EFHC2: variants seen among roughly 807,000 people sequenced by gnomAD.
The protein encoded by EFHC2 is EF-hand domain containing 2.
In EFHC2, 18 loss-of-function variants were observed where a neutral mutation model predicts 52.7. The ratio of observed to expected loss-of-function variants is 0.34; its 90% CI spans 0.24 to 0.51. The LOEUF (loss-of-function observed/expected upper bound fraction) is 0.51. Among genes scored for constraint, EFHC2 ranks in the 20% least tolerant of loss-of-function variants. The pLI is 0.97. For synonymous variants in EFHC2, 203 were observed against 204.1 expected, an observed-to-expected ratio of 0.99 and a Z score of 0.04; for missense variants, 513 against 562.5, an observed-to-expected ratio of 0.91 and a Z score of 0.89.
chrX:44,236,526 T>A (rs2037321381), intron 8 of EFHC2, among the ~76,000 whole-genome samples: 1 of 112,581 alleles, frequency 8.9e-6, no homozygotes, highest in South Asian at 3.7e-4. Context: ...CACAGTGATT[T>A]AAAAAATAAA....
At chrX:44,281,610 CAGA>C (rs1211397233) in intron 2 of EFHC2, among the ~76,000 whole-genome samples, 1 of 111,573 alleles carries the variant, frequency 9.0e-6, no homozygotes, top group Non-Finnish European at 1.9e-5. Context: ...TGTCAAGCCT[CAGA>C]AGGAGGAATG....
At chrX:44,336,657 C>T (rs1455905248) in intron 1 of EFHC2, among the ~76,000 whole-genome samples, 3 of 111,867 alleles carry the variant, frequency 2.7e-5, no homozygotes, top group African/African-American at 9.7e-5. Context: ...ACTTCTTATA[C>T]ATGTAAGCAA....
rs778609275 is a variant in EFHC2, at chrX:44,251,136, G to A, written c.607-691C>T. Among the ~76,000 whole-genome samples the A allele has an allele frequency of 4.8e-5, 5 of 104,888 alleles. No individual in the cohort carries two copies. In the East Asian group the frequency reaches 1.2e-3, roughly 25 times the overall value. 91.1% of individuals were successfully genotyped at this position (104,888 alleles called of 115,157 possible). On this transcript the variant is annotated intron_variant, in intron 4 of 14. Coordinates refer to ENST00000420999, the MANE Select transcript of EFHC2 (RefSeq NM_025184.4). ...CACCTGTAGTCCCAGCTACTCGGGA[G>A]GCTGAGGCAGGAGAATGGTGTGAAC...
At chrX:44,289,143 ATTCTT>A (rs1338295553) in intron 2 of EFHC2, among the ~76,000 whole-genome samples, 1 of 110,833 alleles carries the variant, frequency 9.0e-6, no homozygotes. Flanking sequence ...TATGATTGTT[ATTCTT>A]TTATCTTTCA....
chrX:44,249,619 A>T (rs1053196771), intron 5 of EFHC2, among the ~76,000 whole-genome samples: 3 of 111,780 alleles, frequency 2.7e-5, no homozygotes, highest in Non-Finnish European at 5.6e-5. Context: ...GGCCATAAAT[A>T]TTTGTAGAAA....
At chrX:44,272,986 G>A (rs1193170326) in intron 2 of EFHC2, 150 bp from the exon 3 acceptor site, 9 of 444,717 alleles carry the variant, frequency 2.0e-5, no homozygotes, top group Non-Finnish European at 3.1e-5. Flanking sequence ...TCAGCCATGC[G>A]AATGGATATA....
chrX:44,307,800 G>A (rs912904065), intron 2 of EFHC2, among the ~76,000 whole-genome samples: 4 of 110,765 alleles, frequency 3.6e-5, no homozygotes, highest in African/African-American at 1.3e-4. Flanking sequence ...CAGGTGTGGT[G>A]GCACATACCT....
intron 14 of EFHC2, among the ~76,000 whole-genome samples, chrX:44,162,204 C>T (rs1200286579): frequency 4.5e-5 from 5 of 111,762 alleles, no homozygotes; most frequent in Admixed American, 9.5e-5. Context: ...AGGCAGATCA[C>T]TTGAGGCCGG....
intron 3 of EFHC2, among the ~76,000 whole-genome samples, chrX:44,264,686 C>T (rs1269134514): frequency 8.9e-6 from 1 of 112,361 alleles, no homozygotes; most frequent in Non-Finnish European, 1.9e-5. Flanking sequence ...TGTACAGTTG[C>T]ACATGAGAGC....
At chrX:44,227,635 TAGG>T (rs2037243160) in intron 11 of EFHC2, among the ~76,000 whole-genome samples, 1 of 111,423 alleles carries the variant, frequency 9.0e-6, no homozygotes, top group Non-Finnish European at 1.9e-5. Flanking sequence ...CACATTCGAA[TAGG>T]AGAAGACACA....
intron 11 of EFHC2, among the ~76,000 whole-genome samples, chrX:44,220,466 T>C (rs2037184889): frequency 8.9e-6 from 1 of 112,084 alleles, no homozygotes; most frequent in Non-Finnish European, 1.9e-5. Context: ...GTGGCTATTC[T>C]GTCAGCCTCA....
At chrX:44,233,576 C>T (rs1351468132) in intron 9 of EFHC2, among the ~76,000 whole-genome samples, 1 of 111,571 alleles carries the variant, frequency 9.0e-6, no homozygotes, top group Admixed American at 9.5e-5. Context: ...TCACTTCATC[C>T]CACTCCTCCT....
chrX:44,201,862 T>G (rs1412034379), intron 11 of EFHC2, among the ~76,000 whole-genome samples: 1 of 111,663 alleles, frequency 9.0e-6, no homozygotes, highest in East Asian at 2.8e-4. Flanking sequence ...TATAGACCTA[T>G]CTCCTTTATG....
chrX:44,297,371 CAT>C (rs1374225990), intron 2 of EFHC2, among the ~76,000 whole-genome samples: 5 of 110,070 alleles, frequency 4.5e-5, no homozygotes, highest in African/African-American at 1.3e-4. Flanking sequence ...TTTGGAGAGA[CAT>C]ATATACCCTG....
intron 14 of EFHC2, among the ~76,000 whole-genome samples, chrX:44,163,314 ACCAC>A (rs1001321591): frequency 8.9e-6 from 1 of 111,788 alleles, no homozygotes; most frequent in Non-Finnish European, 1.9e-5. Flanking sequence ...CAAACAAACC[ACCAC>A]CCACCCACCC....
intron 11 of EFHC2, among the ~76,000 whole-genome samples, chrX:44,201,825 G>A (rs952141015): frequency 2.7e-5 from 3 of 111,894 alleles, no homozygotes; most frequent in South Asian, 3.7e-4. Context: ...ATTTGACATG[G>A]ACAAAGGTGG....
chrX:44,231,306 A>G (rs1234916454), intron 10 of EFHC2, among the ~76,000 whole-genome samples: 1 of 111,612 alleles, frequency 9.0e-6, no homozygotes, highest in Non-Finnish European at 1.9e-5. Context: ...TTCCCACCCA[A>G]TGACACAGCA....
intron 2 of EFHC2, among the ~76,000 whole-genome samples, chrX:44,300,343 G>T (rs1210770252): frequency 9.0e-6 from 1 of 111,409 alleles, no homozygotes; most frequent in Non-Finnish European, 1.9e-5. Context: ...GTAGTCATCT[G>T]TAAGACAAGA....
chrX:44,165,575 T>G (rs2036690696), intron 13 of EFHC2, among the ~76,000 whole-genome samples: 1 of 111,811 alleles, frequency 8.9e-6, no homozygotes, highest in African/African-American at 3.2e-5. Flanking sequence ...CATAATAAAC[T>G]TTTTTTTAGC....
Sources: allele counts gnomAD v4.1 joint callset (sites outside exome capture counted in the v4.1 genomes callset), GRCh38; gene constraint gnomAD v4.1.1; transcripts MANE v1.5; gene names NCBI Gene and HGNC (gene_info 2026-07-23, HGNC 2026-07-21).